The following DIAPH1 variants were observed in gnomAD, a reference collection of about 807,000 sequenced individuals.
DIAPH1 encodes the protein protein diaphanous homolog 1.
Under a neutral mutation model 140.7 loss-of-function variants are expected in DIAPH1, and 46 were observed. The ratio of observed to expected loss-of-function variants is 0.33; its 90% CI spans 0.26 to 0.42. DIAPH1 has a LOEUF of 0.42. DIAPH1 is among the 10% of genes least tolerant of loss of function. DIAPH1 has a pLI of 1.00. For missense variants in DIAPH1, 1,310 were observed against 1,558.7 expected (o/e 0.84, Z 2.69); for synonymous variants, 565 against 551.6 (o/e 1.02, Z -0.34).
At chr5:141,518,839 C>T in intron 27 of DIAPH1, 1 of 1,126,030 alleles carries the variant, frequency 8.9e-7, no homozygotes, top group Non-Finnish European at 1.3e-6. Flanking sequence ...AAGTCTTAAC[C>T]AGGTCTTCTC....
At chr5:141,550,905 T>G (rs750557067) in intron 18 of DIAPH1, among the ~76,000 whole-genome samples, 3 of 152,200 alleles carry the variant, frequency 2.0e-5, no homozygotes, top group Non-Finnish European at 4.4e-5. Context: ...AGTCTTAACA[T>G]CCAAACCAAA....
Position 141,574,211 on chromosome 5 carries a change from A to T in DIAPH1, c.1642-3T>A. 6.2e-7 allele frequency: 1 copy of T among 1,614,030 alleles called. No homozygotes were observed. Among genetic ancestry groups the T allele is most frequent in the Non-Finnish European group, 8.5e-7 (1 of 1,180,014 alleles). On this transcript the variant is annotated splice_region_variant and splice_polypyrimidine_tract_variant and intron_variant, in intron 15 of 27. Transcript: ENST00000389054. Reference sequence around the variant, plus strand: ...AGTTCCTTTGTCAGCTTGGCAACCTACAGAAATAACATCAATGTGAGTACT... The same window carrying T: ...AGTTCCTTTGTCAGCTTGGCAACCTTCAGAAATAACATCAATGTGAGTACT...
intron 18 of DIAPH1, among the ~76,000 whole-genome samples, chr5:141,546,679 A>T (rs2099890853): frequency 6.6e-6 from 1 of 151,064 alleles, no homozygotes; most frequent in Non-Finnish European, 1.5e-5. Context: ...AAAAAAAGAG[A>T]CTCTCCTCCT....
At chr5:141,557,397 TA>T (rs1227946864) in intron 18 of DIAPH1, among the ~76,000 whole-genome samples, 3 of 152,122 alleles carry the variant, frequency 2.0e-5, no homozygotes, top group Admixed American at 1.3e-4. Context: ...GTGATGGACA[TA>T]GGGGTGTTCA....
chr5:141,557,318 G>C (rs2099892766), intron 18 of DIAPH1, among the ~76,000 whole-genome samples: 1 of 152,100 alleles, frequency 6.6e-6, no homozygotes, highest in East Asian at 1.9e-4. Context: ...TAAAAATAAT[G>C]GGTGGCAAAG....
At chr5:141,534,631 A>G (rs1042942734) in intron 18 of DIAPH1, 198 bp from the exon 19 acceptor site, 3 of 599,822 alleles carry the variant, frequency 5.0e-6, no homozygotes, top group Non-Finnish European at 8.9e-6. Context: ...TAAATATCTC[A>G]TTTTCATTTC....
At chr5:141,594,737 A>G (rs1398596178) in intron 1 of DIAPH1, among the ~76,000 whole-genome samples, 2 of 149,058 alleles carry the variant, frequency 1.3e-5, no homozygotes, top group African/African-American at 2.5e-5. Flanking sequence ...AGCAAGACCC[A>G]GTCTCAAAAA....
intron 1 of DIAPH1, among the ~76,000 whole-genome samples, chr5:141,601,846 G>A (rs1356341517): frequency 6.6e-6 from 1 of 152,054 alleles, no homozygotes; most frequent in Non-Finnish European, 1.5e-5. Context: ...TGATTGTTAC[G>A]AATAGCTCAG....
intron 1 of DIAPH1, among the ~76,000 whole-genome samples, chr5:141,597,771 G>A (rs1321556969): frequency 6.6e-6 from 1 of 152,138 alleles, no homozygotes; most frequent in Non-Finnish European, 1.5e-5. Flanking sequence ...CAGATGGTTG[G>A]CCTGTCTGGA....
chr5:141,526,309 C>G lies in DIAPH1; in HGVS notation c.3426G>C (p.Arg1142=). The G allele has an allele frequency of 6.2e-7, 1 of 1,614,176 alleles. No individual in the cohort carries two copies. Among genetic ancestry groups the G allele is most frequent in the Non-Finnish European group, 8.5e-7 (1 of 1,180,046 alleles). ...ATCCCTTGCTCACCAAAAACATATT[C>G]CGAAAATTGTGAAGATCCATGAAAA... ...EEFFMDLHNF[R]NMFLQAVKEN... is the part of the protein sequence containing the mutation. Residue 1142 remains arginine, a synonymous_variant, in exon 25 of 28, where the codon CGG becomes CGC. Coordinates refer to ENST00000389054, the MANE Select transcript of DIAPH1 (RefSeq NM_005219.5).
At chr5:141,590,469 A>G (rs72792317) in intron 1 of DIAPH1, among the ~76,000 whole-genome samples, 86 of 152,290 alleles carry the variant, frequency 5.6e-4, no homozygotes, top group Non-Finnish European at 1.0e-3. Flanking sequence ...CCAACAACAT[A>G]GTTCCTTTTG....
At chr5:141,547,505 C>G (rs867082129) in intron 18 of DIAPH1, among the ~76,000 whole-genome samples, 3 of 151,876 alleles carry the variant, frequency 2.0e-5, no homozygotes, top group Admixed American at 1.3e-4. Flanking sequence ...TATGAATATT[C>G]TACAACTAAA....
At chr5:141,614,752 T>C (rs1291926828) in intron 1 of DIAPH1, among the ~76,000 whole-genome samples, 1 of 151,834 alleles carries the variant, frequency 6.6e-6, no homozygotes, top group East Asian at 1.9e-4. Context: ...AACATCTCAC[T>C]AACGTTCCTG....
At position 141,553,502 on chromosome 5, in the gene DIAPH1, G is replaced by C. The variant is rs764558371; in HGVS notation, c.2482+17926C>G. On this transcript the variant is annotated intron_variant, in intron 18 of 27. Coordinates refer to ENST00000389054, the MANE Select transcript of DIAPH1 (RefSeq NM_005219.5). ...TAAAAATACAAAAAATTAGCCAGGC[G>C]TGGTGGTGGGCGCCTATGTAATTCC... Among the ~76,000 whole-genome samples, 5 of 151,760 alleles carry C rather than the reference G, an allele frequency of 3.3e-5. No homozygotes were observed. The East Asian group carries it at 9.7e-4, about 30-fold the overall frequency.
intron 24 of DIAPH1, 63 bp downstream of exon 24, chr5:141,527,510 C>T (rs529555805): frequency 3.2e-6 from 5 of 1,579,702 alleles, no homozygotes; most frequent in African/African-American, 2.7e-5. Flanking sequence ...CTGTTTTTCC[C>T]CCACTACAGG....
chr5:141,528,914 G>A lies in DIAPH1; in HGVS notation c.2806C>T (p.Arg936Cys), dbSNP rs750941858. The stretch of plus-strand genomic sequence containing the variant: ...AGCTTGAAGAGAATGGCATTGAGGC[G>A]AGGCCGCAGTCGGGGCACAGTGCCC... ...VMGTVPRLRP[R>C]LNAILFKLQF... is the part of the protein sequence containing the mutation. Residue 936 changes from arginine to cysteine, a missense_variant, in exon 22 of 28, where the codon CGC (arginine) becomes TGC (cysteine). By Grantham distance (180) the Arg-to-Cys change is radical. Coordinates refer to ENST00000389054, the MANE Select transcript of DIAPH1 (RefSeq NM_005219.5). The A allele has an allele frequency of 8.1e-6, 13 of 1,613,980 alleles. No individual in the cohort carries two copies. The highest frequency in any genetic ancestry group is 1.1e-5 in the South Asian group (1 of 91,080).
chr5:141,524,089 TAG>T, intron 27 of DIAPH1, 52 bp downstream of exon 27: 2 of 1,471,074 alleles, frequency 1.4e-6, no homozygotes, highest in Non-Finnish European at 1.9e-6. Context: ...CTGGCAGGAG[TAG>T]AGAGCCCTCA....
Position 141,525,370 on chromosome 5 carries a change from G to A in DIAPH1, c.3574+668C>T, listed in dbSNP as rs372225385. Reference sequence around the variant, plus strand: ...TGTGAGCAGTGTATGCTGTATTTCCGCTGCCCACAGAGAGAGCAGTGGGGG... The same window carrying A: ...TGTGAGCAGTGTATGCTGTATTTCCACTGCCCACAGAGAGAGCAGTGGGGG... On this transcript the variant is annotated intron_variant, in intron 26 of 27. Transcript: ENST00000389054. Among the ~76,000 whole-genome samples, 12 of 152,138 alleles carry A rather than the reference G, an allele frequency of 7.9e-5. No homozygotes were observed. In the South Asian group the frequency reaches 1.3e-3, roughly 16 times the overall value.
intron 18 of DIAPH1, among the ~76,000 whole-genome samples, chr5:141,555,678 T>C (rs1243759091): frequency 6.6e-6 from 1 of 152,058 alleles, no homozygotes; most frequent in Non-Finnish European, 1.5e-5. Context: ...CCAAAATAGG[T>C]GGGTATAGAT....
Sources: gnomAD v4.1 joint callset for allele counts (sites outside exome capture counted in the v4.1 genomes callset) on GRCh38, gnomAD v4.1.1 for gene constraint, MANE v1.5 for transcripts, NCBI Gene and HGNC (gene_info 2026-07-23, HGNC 2026-07-21) for gene names.